AMN: variants seen among roughly 807,000 people sequenced by gnomAD.
AMN encodes the protein amnion associated transmembrane protein, also known as protein amnionless.
Under a neutral mutation model 49.1 loss-of-function variants are expected in AMN, and 40 were observed. The observed-to-expected ratio is 0.81, with a 90% CI of 0.63 to 1.06. The LOEUF (loss-of-function observed/expected upper bound fraction) is 1.06, where lower values mean the gene tolerates loss of function less well. AMN is among the 50% of genes least tolerant of loss of function. The probability of loss-of-function intolerance (pLI) is 0.00; values close to 1 mark genes in which losing one functional copy is unlikely to be tolerated. For synonymous variants in AMN, 380 were observed against 313.3 expected (o/e 1.21, Z -2.25); for missense variants, 701 against 662.8 (o/e 1.06, Z -0.63).
chr14:102,929,926 T>C lies in AMN; in HGVS notation c.846T>C (p.Pro282=). 1 of 1,557,190 alleles carries C rather than the reference T, an allele frequency of 6.4e-7. No homozygotes were observed. Among genetic ancestry groups the C allele is most frequent in the Non-Finnish European group, 8.7e-7 (1 of 1,151,366 alleles). The change falls in exon 9 of 12, where the codon CCT becomes CCC. Residue 282 remains proline, a splice_region_variant and synonymous_variant. Coordinates refer to ENST00000299155, the MANE Select transcript of AMN (RefSeq NM_030943.4). ...ARILDTFLGL[P]QYHGLQVAVS... ...ACCAACCCCGTCCCCCTCCCCAGCC[T>C]CAGTACCACGGGCTGCAGGTGGCCG... is the stretch of plus-strand genomic sequence containing the variant.
rs536728382 is a variant in AMN, at chr14:102,925,511, C to A, written c.207+1532C>A. Among the ~76,000 whole-genome samples the A allele has an allele frequency of 1.4e-4, 21 of 152,254 alleles. 1 individual carries two copies. In the South Asian group the frequency reaches 4.4e-3, roughly 32 times the overall value. On this transcript the variant is annotated intron_variant, in intron 3 of 11. Transcript: ENST00000299155. Reference sequence around the variant, plus strand: ...GCCCCTTGTGGCCCGGCCCCCAGAACCCACGCATAACCTTGGCAACCAGGC... The same window carrying A: ...GCCCCTTGTGGCCCGGCCCCCAGAAACCACGCATAACCTTGGCAACCAGGC...
intron 1 of AMN, chr14:102,922,940 G>A (rs969702078): frequency 4.6e-6 from 3 of 652,618 alleles, no homozygotes; most frequent in Non-Finnish European, 7.4e-6. Flanking sequence ...GGGCGGTGCG[G>A]GAGAGGAGAG....
At chr14:102,930,549 C>A in intron 11 of AMN, 27 bp from the exon 12 acceptor site, 1 of 1,551,400 alleles carries the variant, frequency 6.4e-7, no homozygotes. Context: ...TCGGCGCCGA[C>A]CGCCGCCTGA....
chr14:102,928,442 G>A lies in AMN; in HGVS notation c.224G>A (p.Gly75Glu), dbSNP rs1276752398. Residue 75 changes from glycine (G) to glutamate (E), a missense_variant, in exon 4 of 12, where the codon GGG becomes GAG. By Grantham distance (98) the Gly-to-Glu change is moderately conservative. Coordinates refer to ENST00000299155, the MANE Select transcript of AMN (RefSeq NM_030943.4). ...AVSDMLLPLDGELVLASGAGF... is the reference protein window; with the variant it reads ...AVSDMLLPLDEELVLASGAGF... ...CTCTTGCAGCTCCTGCCGCTGGATG[G>A]GGAACTCGTCCTGGCTTCAGGAGCC... 1 of 1,606,872 alleles carries A rather than the reference G, an allele frequency of 6.2e-7. No individual in the cohort carries two copies. The highest frequency in any genetic ancestry group is 1.1e-5 in the South Asian group (1 of 90,068).
rs555011495 is a variant in AMN at position 102,929,267 on chromosome 14, G to A, written c.651+9G>A. On this transcript the variant is annotated intron_variant, in intron 6 of 11. Transcript: ENST00000299155. ...TCTGCGGCAACGCGGAGGTGAGCGA[G>A]GCCGCAGTGGAGTCGCGGGGGCCGC... 6.2e-6 allele frequency: 9 copies of A among 1,454,956 alleles called. No homozygotes were observed. In the East Asian group the frequency reaches 2.1e-4, roughly 34 times the overall value. The allele number at this position is 1,454,956 out of a possible 1,614,324, so 90.1% of individuals were successfully genotyped here. A position where few individuals can be genotyped will look rare whatever the true frequency, so the allele number is the denominator to read the frequency against.
chr14:102,925,097 C>T (rs1337308409), intron 3 of AMN, among the ~76,000 whole-genome samples: 5 of 152,198 alleles, frequency 3.3e-5, no homozygotes, highest in African/African-American at 1.2e-4. Context: ...AGCCTCTGGG[C>T]AAAAGCTTCC....
chr14:102,922,728 T>C lies in AMN; in HGVS notation c.40T>C (p.Cys14Arg). The C allele has an allele frequency of 1.9e-6, 3 of 1,589,428 alleles. No individual in the cohort carries two copies. The highest frequency in any genetic ancestry group is 1.3e-5 in the African/African-American group (1 of 74,880). ...LGRVLLWLQLCALTQAVSKLW... is the reference protein window; with the variant it reads ...LGRVLLWLQLRALTQAVSKLW... ...CCGGGTCCTGCTGTGGCTGCAGCTC[T>C]GCGGTGAGCCGGGACCACACCGGTG... The change falls in exon 1 of 12, where the codon TGC (cysteine) becomes CGC (arginine). Residue 14 changes from cysteine to arginine, a missense_variant. By Grantham distance (180) the Cys-to-Arg change is radical. Transcript: ENST00000299155.
At chr14:102,922,753 G>T in intron 1 of AMN, 22 bp downstream of exon 1, 1 of 1,573,318 alleles carries the variant, frequency 6.4e-7, no homozygotes. Flanking sequence ...CCACACCGGT[G>T]CGGGCCCGGA....
intron 1 of AMN, 101 bp downstream of exon 1, chr14:102,922,832 G>A: frequency 6.8e-7 from 1 of 1,473,712 alleles, no homozygotes. Flanking sequence ...CTTCCGAGGA[G>A]TGGGCAGGGA....
chr14:102,923,108 G>A, intron 1 of AMN: 1 of 279,142 alleles, frequency 3.6e-6, no homozygotes, highest in Non-Finnish European at 6.9e-6. Context: ...CGGTCCCCAA[G>A]GGAGCACTGA....
At chr14:102,924,356 T>G (rs1370417270) in intron 3 of AMN, among the ~76,000 whole-genome samples, 1 of 140,714 alleles carries the variant, frequency 7.1e-6, no homozygotes, top group Non-Finnish European at 1.6e-5. Flanking sequence ...CACCCCCCCC[T>G]CTACCCACCA....
rs1891279820 is a variant in AMN at position 102,929,480 on chromosome 14, C to G, written c.704C>G (p.Pro235Arg). The change falls in exon 7 of 12, where the codon CCC becomes CGC. Residue 235 changes from proline to arginine, a missense_variant. Coordinates refer to ENST00000299155, the MANE Select transcript of AMN (RefSeq NM_030943.4). ...ALLQPLGGRCPQAACHSALRP... is the reference protein window; with the variant it reads ...ALLQPLGGRCRQAACHSALRP... The stretch of plus-strand genomic sequence containing the variant: ...CTCCAGCCCCTGGGCGGCCGCTGCC[C>G]CCAGGCCGCCTGCCACAGCGCCCTC... 6.5e-7 allele frequency: 1 copy of G among 1,531,916 alleles called. No homozygotes were observed. Among genetic ancestry groups the G allele is most frequent in the South Asian group, 1.2e-5 (1 of 83,848 alleles). The allele number at this position is 1,531,916 out of a possible 1,614,324, so 94.9% of individuals were successfully genotyped here.
chr14:102,928,689 C>CGTGGCGTGGCGTGGCGTGGT, intron 4 of AMN, 69 bp from the exon 5 acceptor site: 3 of 1,538,976 alleles, frequency 1.9e-6, no homozygotes, highest in African/African-American at 1.4e-5. Context: ...AGACGCGTGG[C>CGTGGCGTGGCGTGGCGTGGT]GTGGCGTGGC....
In AMN at chr14:102,929,335, C is replaced by T. The variant is rs1389238188; in HGVS notation, c.651+77C>T. Reference sequence around the variant, plus strand: ...GCCCGGGACAGGGCCGCTGCGCTCCCACGGTCTCTCGCCGGCTTGCTTCTC... The same window carrying T: ...GCCCGGGACAGGGCCGCTGCGCTCCTACGGTCTCTCGCCGGCTTGCTTCTC... On this transcript the variant is annotated intron_variant, in intron 6 of 11. Transcript: ENST00000299155. The T allele has an allele frequency of 2.0e-6, 3 of 1,488,758 alleles. No homozygotes were observed. The African/African-American group carries it at 4.3e-5, about 21-fold the overall frequency. The allele number at this position is 1,488,758 out of a possible 1,614,324, so 92.2% of individuals were successfully genotyped here. A position where few individuals can be genotyped will look rare whatever the true frequency, so the allele number is the denominator to read the frequency against.
chr14:102,928,700 G>A (rs1891247910), intron 4 of AMN, 58 bp from the exon 5 acceptor site: 5 of 1,563,062 alleles, frequency 3.2e-6, no homozygotes, highest in Non-Finnish European at 4.3e-6. Flanking sequence ...GTGGCGTGGC[G>A]TGGCGTGGTG....
In AMN at chr14:102,930,269, C is replaced by CTGGCGCTGCTGGTCCTGCTGG; in HGVS notation, c.1118_1138dup (p.Leu373_Ala379dup). On this transcript the variant is annotated inframe_insertion, in exon 10 of 12. Coordinates refer to ENST00000299155, the MANE Select transcript of AMN (RefSeq NM_030943.4). ...GGGCGGCGTGGCGGCTGCCGTGCTG[C>CTGGCGCTGCTGGTCCTGCTGG]TGGCGCTGCTGGTCCTGCTGGTGGC... 7.2e-7 allele frequency: 1 copy of CTGGCGCTGCTGGTCCTGCTGG among 1,383,590 alleles called. No homozygotes were observed. Among genetic ancestry groups the CTGGCGCTGCTGGTCCTGCTGG allele is most frequent in the Non-Finnish European group, 9.3e-7 (1 of 1,071,980 alleles). The allele number at this position is 1,383,590 out of a possible 1,614,324, so 85.7% of individuals were successfully genotyped here.
chr14:102,929,403 C>T (rs1054734003), intron 6 of AMN, 25 bp from the exon 7 acceptor site: 68 of 1,528,432 alleles, frequency 4.4e-5, no homozygotes, highest in Non-Finnish European at 5.7e-5. Flanking sequence ...TGGCCCTCCG[C>T]GCTGACCACC....
Sources: gnomAD v4.1 joint callset for allele counts (sites outside exome capture counted in the v4.1 genomes callset) on GRCh38, gnomAD v4.1.1 for gene constraint, MANE v1.5 for transcripts, NCBI Gene and HGNC (gene_info 2026-07-23, HGNC 2026-07-21) for gene names.